PCYT1A: variants seen among roughly 807,000 people sequenced by gnomAD.
PCYT1A encodes the protein phosphate cytidylyltransferase 1A, choline.
In PCYT1A, 25 loss-of-function variants were observed where a neutral mutation model predicts 43.7. That is an observed-to-expected ratio of 0.57 (90% CI 0.42 to 0.80). The LOEUF (loss-of-function observed/expected upper bound fraction) is 0.80. Ranked by LOEUF, PCYT1A falls within the 30% of genes least tolerant of loss-of-function variation. PCYT1A has a pLI of 0.00. For synonymous variants in PCYT1A, 172 were observed against 170.7 expected (o/e 1.01, Z -0.06); for missense variants, 421 against 474.2 (o/e 0.89, Z 1.04).
rs965563649 is a variant in PCYT1A at position 196,238,733 on chromosome 3, C to T, written c.1059G>A (p.Arg353=). ...SPPCSPANLS[R]HKAAAYDISE... The stretch of plus-strand genomic sequence containing the variant: ...TGATATCATAGGCTGCAGCCTTGTG[C>T]CTGGAGAGATTTGCTGGGGAGCAAG... Residue 353 remains arginine (R), a synonymous_variant, in exon 9 of 9, where the codon AGG becomes AGA. Coordinates refer to ENST00000431016, the MANE Select transcript of PCYT1A (RefSeq NM_001312673.2). 6.3e-7 allele frequency: 1 copy of T among 1,591,738 alleles called. No homozygotes were observed. Among genetic ancestry groups the T allele is most frequent in the Non-Finnish European group, 8.5e-7 (1 of 1,170,064 alleles).
chr3:196,284,931 C>T (rs548123635), intron 1 of PCYT1A, among the ~76,000 whole-genome samples: 2 of 152,262 alleles, frequency 1.3e-5, no homozygotes, highest in Non-Finnish European at 2.9e-5. Flanking sequence ...GTCAAGTAAA[C>T]ATCTAATGTG....
chr3:196,267,514 G>C, intron 2 of PCYT1A: 1 of 315,778 alleles, frequency 3.2e-6, no homozygotes, highest in Non-Finnish European at 6.4e-6. Flanking sequence ...AGGAGACTGA[G>C]ACCAGTCTGG....
intron 1 of PCYT1A, among the ~76,000 whole-genome samples, chr3:196,275,065 T>C (rs1008144602): frequency 1.3e-5 from 2 of 152,216 alleles, no homozygotes; most frequent in Non-Finnish European, 2.9e-5. Context: ...TAATGATTGT[T>C]TTCTAATTTG....
intron 3 of PCYT1A, among the ~76,000 whole-genome samples, chr3:196,256,231 C>T (rs1280341337): frequency 6.6e-6 from 1 of 152,208 alleles, no homozygotes; most frequent in Non-Finnish European, 1.5e-5. Context: ...GTGGCTCACG[C>T]CTGCAATCCC....
intron 5 of PCYT1A, among the ~76,000 whole-genome samples, chr3:196,243,812 A>C (rs1218878791): frequency 6.6e-6 from 1 of 152,278 alleles, no homozygotes; most frequent in Admixed American, 6.5e-5. Flanking sequence ...CCGGGATTGC[A>C]GACGGAGTCT....
intron 3 of PCYT1A, 100 bp from the exon 4 acceptor site, chr3:196,248,423 G>A (rs1470143197): frequency 1.3e-5 from 8 of 633,384 alleles, no homozygotes; most frequent in South Asian, 1.7e-5. Context: ...CCAGGCTGGA[G>A]TGCAGTGGCG....
intron 1 of PCYT1A, among the ~76,000 whole-genome samples, chr3:196,283,140 C>T (rs940177735): frequency 3.3e-5 from 5 of 152,140 alleles, no homozygotes; most frequent in Admixed American, 2.6e-4. Flanking sequence ...GAGTTTAAGA[C>T]CAGCCTGGCC....
intron 5 of PCYT1A, among the ~76,000 whole-genome samples, chr3:196,246,949 C>T (rs977871980): frequency 1.3e-5 from 2 of 150,016 alleles, no homozygotes; most frequent in Non-Finnish European, 3.0e-5. Context: ...GTGGCGAGTT[C>T]AGTTCCCAGC....
chr3:196,284,762 T>C (rs1725858812), intron 1 of PCYT1A, among the ~76,000 whole-genome samples: 1 of 152,194 alleles, frequency 6.6e-6, no homozygotes, highest in Non-Finnish European at 1.5e-5. Context: ...AAGCAAATCT[T>C]TTGTCCTACA....
At position 196,273,005 on chromosome 3, in the gene PCYT1A, C is replaced by T. The variant is rs117018505; in HGVS notation, c.-10-2464G>A. 1.0e-3 allele frequency among the ~76,000 whole-genome samples: 159 copies of T among 152,266 alleles called. 2 individuals carry two copies. In the East Asian group the frequency reaches 0.027, roughly 26 times the overall value. On this transcript the variant is annotated intron_variant, in intron 1 of 8. Transcript: ENST00000431016. The surrounding 1 kb of genome is among the most constrained non-coding windows in gnomAD (Gnocchi z 4.1). ...TGCCAAGGACAAGCCAGGCACGGAG[C>T]GGCAAGAGGTGCACAGGCGAGCCAG... is the stretch of plus-strand genomic sequence containing the variant.
In PCYT1A at chr3:196,234,794, A is replaced by G. The variant is rs1383351204; in HGVS notation, c.*3894T>C. On this transcript the variant is annotated 3_prime_UTR_variant, in exon 9 of 9. Coordinates refer to ENST00000431016, the MANE Select transcript of PCYT1A (RefSeq NM_001312673.2). ...ATTAACATTTAATGGTATAATCCCA[A>G]GAACATGTTCTACTTATTTACTTGG... The G allele has an allele frequency of 6.6e-6, 1 of 152,234 alleles. No individual in the cohort carries two copies. The highest frequency in any genetic ancestry group is 1.9e-4 in the East Asian group (1 of 5,200). 9.4% of individuals were successfully genotyped at this position (152,234 alleles called of 1,614,324 possible). A position where few individuals can be genotyped will look rare whatever the true frequency, so the allele number is the denominator to read the frequency against.
Position 196,247,939 on chromosome 3 carries a change from T to C in PCYT1A, c.334+268A>G, listed in dbSNP as rs1023362644. 9.7e-5 allele frequency: 50 copies of C among 517,284 alleles called. No individual in the cohort carries two copies. The highest frequency in any genetic ancestry group is 4.0e-4 in the South Asian group (19 of 47,724). 32.0% of individuals were successfully genotyped at this position (517,284 alleles called of 1,614,324 possible). ...GAAATCTAAAGCAAATGTTTTAAAG[T>C]GGACAACGGAAGTCACGGCTGCTCC... On this transcript the variant is annotated intron_variant, in intron 4 of 8. Coordinates refer to ENST00000431016, the MANE Select transcript of PCYT1A (RefSeq NM_001312673.2). This position sits in a 1 kb window ranked among gnomAD's most constrained non-coding sequence, Gnocchi z 4.8.
intron 1 of PCYT1A, among the ~76,000 whole-genome samples, chr3:196,275,047 C>T (rs949104849): frequency 1.3e-5 from 2 of 152,280 alleles, no homozygotes; most frequent in Middle Eastern, 3.4e-3. Context: ...ATGCCTAATC[C>T]ATCCAATTAA....
At chr3:196,264,754 C>T (rs1725217629) in intron 2 of PCYT1A, among the ~76,000 whole-genome samples, 1 of 151,886 alleles carries the variant, frequency 6.6e-6, no homozygotes, top group Admixed American at 6.6e-5. Context: ...TTGTAACTTC[C>T]GTCTATTTGG....
chr3:196,244,450 C>A (rs1273888276), intron 5 of PCYT1A, among the ~76,000 whole-genome samples: 1 of 150,608 alleles, frequency 6.6e-6, no homozygotes, highest in South Asian at 2.1e-4. Context: ...CTCCTCTGCC[C>A]GGCCGCGACC....
In PCYT1A at chr3:196,273,521, C is replaced by G. The variant is rs1015099160; in HGVS notation, c.-10-2980G>C. Among the ~76,000 whole-genome samples, 1 of 152,200 alleles carries G rather than the reference C, an allele frequency of 6.6e-6. No homozygotes were observed. The highest frequency in any genetic ancestry group is 1.5e-5 in the Non-Finnish European group (1 of 68,030). On this transcript the variant is annotated intron_variant, in intron 1 of 8. Transcript: ENST00000431016. The surrounding 1 kb of genome is among the most constrained non-coding windows in gnomAD (Gnocchi z 4.1). ...CCCTCAGGAGACCCCAAGCGGGTAG[C>G]TCCTTTCCGCAGCAGGTCGTCCCAG...
rs140539977 is a variant in PCYT1A, at chr3:196,242,872, A to G, written c.487-232T>C. 2.0e-4 allele frequency: 112 copies of G among 550,410 alleles called. No individual in the cohort carries two copies. Among genetic ancestry groups the G allele is most frequent in the African/African-American group, 1.5e-3 (81 of 52,810 alleles). 34.1% of individuals were successfully genotyped at this position (550,410 alleles called of 1,614,324 possible). ...AGCTGCTTTTGTAGCTATTTCTCCT[A>G]GTCTGCTAGAACTGTTACCCTCACT... On this transcript the variant is annotated intron_variant, in intron 5 of 8. Transcript: ENST00000431016. This position sits in a 1 kb window ranked among gnomAD's most constrained non-coding sequence, Gnocchi z 4.2.
chr3:196,247,512 C>T lies in PCYT1A; in HGVS notation c.341G>A (p.Ser114Asn). The T allele has an allele frequency of 6.2e-7, 1 of 1,614,138 alleles. No homozygotes were observed. The highest frequency in any genetic ancestry group is 8.5e-7 in the Non-Finnish European group (1 of 1,179,970). Residue 114 changes from serine (S) to asparagine (N), a missense_variant, in exon 5 of 9, where the codon AGT (serine) becomes AAT (asparagine). Physicochemically the swap from Ser to Asn is conservative, Grantham distance 46. Coordinates refer to ENST00000431016, the MANE Select transcript of PCYT1A (RefSeq NM_001312673.2). This position sits in a 1 kb window ranked among gnomAD's most constrained non-coding sequence, Gnocchi z 4.8. ...PNTYLIVGVC[S>N]DELTHNFKGF... Reference sequence around the variant, plus strand: ...TTTGAAGTTGTGTGTGAGCTCATCACTGCAAACTGGTTCACCACATCATAA... The same window carrying T: ...TTTGAAGTTGTGTGTGAGCTCATCATTGCAAACTGGTTCACCACATCATAA...
rs1724205863 is a variant in PCYT1A, at chr3:196,237,574, G to C, written c.*1114C>G. 6.6e-6 allele frequency: 1 copy of C among 152,272 alleles called. No individual in the cohort carries two copies. The highest frequency in any genetic ancestry group is 2.1e-4 in the South Asian group (1 of 4,836). The allele number at this position is 152,272 out of a possible 1,614,324, so 9.4% of individuals were successfully genotyped here. On this transcript the variant is annotated 3_prime_UTR_variant, in exon 9 of 9. Transcript: ENST00000431016. ...CACTGGTTCCAGGGAAGAATGTTCTGAAGAGGGACAGAGGTCAAGGTGATA... is the reference window on the plus strand; with the variant it reads ...CACTGGTTCCAGGGAAGAATGTTCTCAAGAGGGACAGAGGTCAAGGTGATA...
Sources: gnomAD v4.1 joint callset for allele counts (sites outside exome capture counted in the v4.1 genomes callset) on GRCh38, gnomAD v4.1.1 for gene constraint, Gnocchi (gnomAD v3.1) non-coding constraint, MANE v1.5 for transcripts, NCBI Gene and HGNC (gene_info 2026-07-23, HGNC 2026-07-21) for gene names.